DCAF6: variants seen among roughly 807,000 people sequenced by gnomAD.
The protein encoded by DCAF6 is DDB1 and CUL4 associated factor 6.
In DCAF6, 54 loss-of-function variants were observed where a neutral mutation model predicts 125.1. That is an observed-to-expected ratio of 0.43 (90% CI 0.35 to 0.54). DCAF6 has a LOEUF of 0.54. Among genes scored for constraint, DCAF6 ranks in the 20% least tolerant of loss-of-function variants. The pLI, the probability that DCAF6 is intolerant of heterozygous loss-of-function variation, is 0.01. For missense variants in DCAF6, 934 were observed against 1,161.7 expected, an observed-to-expected ratio of 0.80 and a Z score of 2.85; for synonymous variants, 371 against 390.4, an observed-to-expected ratio of 0.95 and a Z score of 0.58.
the DCAF6 span, among the ~76,000 whole-genome samples, chr1:167,869,124 T>TAC: frequency 6.6e-6 from 1 of 152,214 alleles, no homozygotes; most frequent in Admixed American, 6.5e-5. Flanking sequence ...CATATGCCCG[T>TAC]ACGAGTGTAG....
chr1:168,064,177 G>C (rs1198749541), intron 18 of DCAF6, among the ~76,000 whole-genome samples: 2 of 144,780 alleles, frequency 1.4e-5, no homozygotes, highest in East Asian at 4.3e-4. Context: ...GCAAAAAATT[G>C]TCAGGCCACT....
intron 18 of DCAF6, among the ~76,000 whole-genome samples, 182 bp from the exon 19 acceptor site, chr1:168,065,408 A>G (rs968782025): frequency 6.6e-6 from 1 of 152,084 alleles, no homozygotes; most frequent in Non-Finnish European, 1.5e-5. Flanking sequence ...TTGGCCTCCC[A>G]AAGTGCTGGG....
intron 7 of DCAF6, among the ~76,000 whole-genome samples, chr1:167,999,176 G>A (rs1165503086): frequency 6.6e-6 from 1 of 152,174 alleles, no homozygotes; most frequent in Non-Finnish European, 1.5e-5. Flanking sequence ...TCAATGCCCA[G>A]TAGTATTTTG....
intron 17 of DCAF6, among the ~76,000 whole-genome samples, chr1:168,052,965 T>G (rs1690141220): frequency 6.6e-6 from 1 of 152,212 alleles, no homozygotes; most frequent in South Asian, 2.1e-4. Context: ...AAATTGGTCA[T>G]GCTGTCTACA....
the DCAF6 span, among the ~76,000 whole-genome samples, chr1:167,877,927 G>C: frequency 1.3e-3 from 199 of 152,178 alleles, 1 homozygote; most frequent in Non-Finnish European, 1.7e-3. Context: ...TACCTTGTAT[G>C]TCACTGCAAA....
intron 7 of DCAF6, among the ~76,000 whole-genome samples, chr1:168,001,127 T>TC (rs1198102570): frequency 6.6e-6 from 1 of 151,960 alleles, no homozygotes; most frequent in Non-Finnish European, 1.5e-5. Flanking sequence ...ATAGCTAGAC[T>TC]CCATCTCTAA....
At chr1:167,920,726 T>C in the DCAF6 span, 1 of 1,213,812 alleles carries the variant, frequency 8.2e-7, no homozygotes, top group South Asian at 1.7e-5. Context: ...GAGATTTCCG[T>C]AAGTTAGCAG....
the DCAF6 span, among the ~76,000 whole-genome samples, chr1:167,912,315 A>G: frequency 2.0e-5 from 3 of 152,182 alleles, no homozygotes; most frequent in Non-Finnish European, 4.4e-5. Context: ...AACCTTTGAT[A>G]AGCAAATGAA....
the DCAF6 span, among the ~76,000 whole-genome samples, chr1:167,925,478 T>C: frequency 5.4e-3 from 662 of 122,548 alleles, 1 homozygote; most frequent in African/African-American, 0.01. Context: ...TATATATACA[T>C]ATACATATAC....
At chr1:167,956,405 A>G (rs906518087) in intron 2 of DCAF6, among the ~76,000 whole-genome samples, 1 of 152,068 alleles carries the variant, frequency 6.6e-6, no homozygotes, top group African/African-American at 2.4e-5. Flanking sequence ...TCTGTAGTGT[A>G]TGTTACTGTG....
At chr1:168,027,060 C>G (rs184087885) in intron 12 of DCAF6, among the ~76,000 whole-genome samples, 1 of 152,140 alleles carries the variant, frequency 6.6e-6, no homozygotes, top group East Asian at 1.9e-4. Flanking sequence ...TTAGTAATGC[C>G]ATGTAAATCA....
At chr1:167,991,921 T>G (rs568450308) in intron 6 of DCAF6, among the ~76,000 whole-genome samples, 2 of 152,286 alleles carry the variant, frequency 1.3e-5, no homozygotes, top group South Asian at 4.1e-4. Context: ...CAGTATGACC[T>G]CACTGTAACT....
At chr1:167,891,666 A>C in the DCAF6 span, among the ~76,000 whole-genome samples, 1 of 151,532 alleles carries the variant, frequency 6.6e-6, no homozygotes, top group East Asian at 2.0e-4. Context: ...AAAAAAAAAA[A>C]AAAAAGAAAG....
chr1:168,064,814 G>C (rs953779397), intron 18 of DCAF6, among the ~76,000 whole-genome samples: 10 of 152,066 alleles, frequency 6.6e-5, no homozygotes, highest in Non-Finnish European at 1.2e-4. Context: ...ATCCTTGTTT[G>C]AAATACAAAG....
At chr1:167,925,438 T>TAC in the DCAF6 span, among the ~76,000 whole-genome samples, 187 of 79,008 alleles carry the variant, frequency 2.4e-3, 1 homozygote, top group East Asian at 9.3e-3. Context: ...GATATACATA[T>TAC]ACACATATAT....
intron 4 of DCAF6, 35 bp from the exon 5 acceptor site, chr1:167,987,460 C>A: frequency 1.0e-6 from 1 of 999,420 alleles, no homozygotes; most frequent in South Asian, 1.3e-5. Flanking sequence ...TTTAAATGTT[C>A]GTATGATTAT....
the DCAF6 span, among the ~76,000 whole-genome samples, chr1:167,889,302 A>C: frequency 6.6e-6 from 1 of 152,120 alleles, no homozygotes; most frequent in Non-Finnish European, 1.5e-5. Context: ...GAATTTTATC[A>C]ACTGCTTTTT....
chr1:167,946,049 C>T (rs1423537011), intron 1 of DCAF6, among the ~76,000 whole-genome samples: 3 of 150,520 alleles, frequency 2.0e-5, no homozygotes, highest in African/African-American at 7.3e-5. Flanking sequence ...CTCTGCCTCC[C>T]GGGTTCAAGT....
At chr1:168,065,074 T>C (rs1354025272) in intron 18 of DCAF6, among the ~76,000 whole-genome samples, 1 of 152,218 alleles carries the variant, frequency 6.6e-6, no homozygotes, top group East Asian at 1.9e-4. Flanking sequence ...TTTGGAAAGT[T>C]CAGCAACATA....
Sources: allele counts gnomAD v4.1 joint callset (sites outside exome capture counted in the v4.1 genomes callset), GRCh38; gene constraint gnomAD v4.1.1; transcripts MANE v1.5; gene names NCBI Gene and HGNC (gene_info 2026-07-23, HGNC 2026-07-21).